Variants in HIP1 observed in about 807,000 individuals in gnomAD.
The protein encoded by HIP1 is huntingtin-interacting protein 1.
Under a neutral mutation model 147.6 loss-of-function variants are expected in HIP1, and 65 were observed. That is an observed-to-expected ratio of 0.44 (90% confidence interval 0.36 to 0.54). The LOEUF (loss-of-function observed/expected upper bound fraction) is 0.54. Ranked by LOEUF, HIP1 falls within the 20% of genes least tolerant of loss-of-function variation. The pLI is 0.00. For synonymous variants in HIP1, 479 were observed against 504.0 expected (o/e 0.95, Z 0.67); for missense variants, 1,061 against 1,299.6 (o/e 0.82, Z 2.82).
chr7:75,642,120 C>CG (rs1563264811), intron 1 of HIP1, among the ~76,000 whole-genome samples: 1 of 152,088 alleles, frequency 6.6e-6, no homozygotes, highest in East Asian at 1.9e-4. Context: ...AACAACAGGC[C>CG]GGGTGCAGTG....
In HIP1 at chr7:75,547,396, T is replaced by C. The variant is rs145266981; in HGVS notation, c.2465+359A>G. ...GATTCTCCTGCCTCAGCCTCCAAAG[T>C]AGCTGGGATTACATGCATGCACCAC... On this transcript the variant is annotated intron_variant, in intron 24 of 30. Coordinates refer to ENST00000336926, the MANE Select transcript of HIP1 (RefSeq NM_005338.7). 1.2e-4 allele frequency among the ~76,000 whole-genome samples: 18 copies of C among 152,268 alleles called. 1 individual carries two copies. The East Asian group carries it at 3.5e-3, about 29-fold the overall frequency.
At chr7:75,649,150 G>T (rs1411959821) in intron 1 of HIP1, among the ~76,000 whole-genome samples, 6 of 151,948 alleles carry the variant, frequency 3.9e-5, no homozygotes, top group Non-Finnish European at 8.8e-5. Flanking sequence ...TCATCCTCCC[G>T]AGTAGCTGGG....
chr7:75,726,044 A>C (rs782802040), intron 1 of HIP1, among the ~76,000 whole-genome samples: 6 of 152,090 alleles, frequency 3.9e-5, no homozygotes, highest in Non-Finnish European at 8.8e-5. Flanking sequence ...CGGTTTTACC[A>C]TGTTGACCAG....
rs140984634 is a variant in HIP1 at position 75,558,172 on chromosome 7, G to A, written c.1459C>T (p.Arg487Trp). 6 of 1,612,566 alleles carry A rather than the reference G, an allele frequency of 3.7e-6. No homozygotes were observed. Among genetic ancestry groups the A allele is most frequent in the East Asian group, 4.5e-5 (2 of 44,884 alleles). ...ELVQNHADLL[R>W]KNAEVTKQVS... ...ACAGGGGCTGAGGGTCTTACCTTCC[G>A]CAGCAGGTCAGCGTGGTTCTGAACC... is the stretch of plus-strand genomic sequence containing the variant. The change falls in exon 15 of 31, where the codon CGG becomes TGG. Residue 487 changes from arginine to tryptophan, a missense_variant. This residue lies in a region of HIP1 where 810 missense variants were observed against 946.8 expected (regional missense o/e 0.86). Transcript: ENST00000336926.
At chr7:75,581,418 C>A (rs1554498569) in intron 6 of HIP1, 120 bp from the exon 7 acceptor site, 2 of 696,090 alleles carry the variant, frequency 2.9e-6, no homozygotes, top group Non-Finnish European at 5.1e-6. Context: ...CGCAAACACA[C>A]ACACAACTCC....
At chr7:75,592,240 A>T in intron 3 of HIP1, 128 bp from the exon 4 acceptor site, 1 of 1,394,082 alleles carries the variant, frequency 7.2e-7, no homozygotes, top group Non-Finnish European at 1.0e-6. Context: ...GACTCACCCA[A>T]CTCTAATGGG....
At chr7:75,734,138 C>T (rs1376019033) in intron 1 of HIP1, among the ~76,000 whole-genome samples, 1 of 151,758 alleles carries the variant, frequency 6.6e-6, no homozygotes, top group Non-Finnish European at 1.5e-5. Context: ...CCCAGCTACT[C>T]GAGAGGCCGA....
intron 21 of HIP1, 145 bp from the exon 22 acceptor site, chr7:75,553,734 T>C (rs1794881388): frequency 1.4e-6 from 1 of 724,454 alleles, no homozygotes; most frequent in Non-Finnish European, 2.2e-6. Context: ...GCCTCCCAAG[T>C]AGCTGGGATT....
At chr7:75,615,640 T>C (rs988107891) in intron 1 of HIP1, among the ~76,000 whole-genome samples, 1 of 151,996 alleles carries the variant, frequency 6.6e-6, no homozygotes, top group Admixed American at 6.6e-5. Context: ...CCTCTGACTG[T>C]GCTTATGCCT....
chr7:75,698,565 C>A (rs1457348743), intron 1 of HIP1, among the ~76,000 whole-genome samples: 1 of 152,094 alleles, frequency 6.6e-6, no homozygotes, highest in Non-Finnish European at 1.5e-5. Context: ...TGACTGTAAT[C>A]CCAGCACTTT....
At chr7:75,608,692 A>G (rs1485021014) in intron 1 of HIP1, among the ~76,000 whole-genome samples, 1 of 152,210 alleles carries the variant, frequency 6.6e-6, no homozygotes, top group African/African-American at 2.4e-5. Flanking sequence ...GATGAACTTA[A>G]AGCTGTCTCA....
intron 1 of HIP1, among the ~76,000 whole-genome samples, chr7:75,631,294 A>AGCATCTT (rs1798211040): frequency 6.6e-6 from 1 of 152,090 alleles, no homozygotes; most frequent in African/African-American, 2.4e-5. Context: ...ACTTTAAGTG[A>AGCATCTT]GCATCTTGAC....
At chr7:75,595,054 G>A (rs1262110476) in intron 2 of HIP1, among the ~76,000 whole-genome samples, 1 of 152,082 alleles carries the variant, frequency 6.6e-6, no homozygotes, top group Non-Finnish European at 1.5e-5. Context: ...CTCACCCAGA[G>A]CACATGTTAT....
chr7:75,597,366 C>G (rs953177941), intron 2 of HIP1, among the ~76,000 whole-genome samples: 6 of 152,184 alleles, frequency 3.9e-5, no homozygotes, highest in Non-Finnish European at 7.3e-5. Flanking sequence ...TCTGGCTTGC[C>G]TGGCTGTGAC....
At chr7:75,667,131 T>G (rs1241286187) in intron 1 of HIP1, among the ~76,000 whole-genome samples, 1 of 151,998 alleles carries the variant, frequency 6.6e-6, no homozygotes, top group Non-Finnish European at 1.5e-5. Flanking sequence ...ATTAACATAA[T>G]TAACAGGAAA....
chr7:75,543,020 C>A (rs147653466), intron 27 of HIP1, 46 bp from the exon 28 acceptor site: 1 of 1,576,110 alleles, frequency 6.3e-7, no homozygotes, highest in Non-Finnish European at 8.6e-7. Flanking sequence ...CCTAGAGCAA[C>A]AAGGACTGAA....
intron 1 of HIP1, among the ~76,000 whole-genome samples, chr7:75,637,140 T>C (rs1798451209): frequency 6.6e-6 from 1 of 152,234 alleles, no homozygotes; most frequent in African/African-American, 2.4e-5. Flanking sequence ...TGTATCTCTC[T>C]GGATCCTTCA....
chr7:75,554,431 C>G lies in HIP1; in HGVS notation c.2050+9G>C. 6.2e-7 allele frequency: 1 copy of G among 1,609,860 alleles called. No homozygotes were observed. Among genetic ancestry groups the G allele is most frequent in the South Asian group, 1.1e-5 (1 of 90,928 alleles). On this transcript the variant is annotated intron_variant, in intron 20 of 30. Transcript: ENST00000336926. ...CTAGCCGACAGAGACTGTCCTTGGC[C>G]ATTCTTACCTTCTGGGCAGGCCAGA...
chr7:75,715,395 A>G (rs1036226692), intron 1 of HIP1, among the ~76,000 whole-genome samples: 2 of 151,524 alleles, frequency 1.3e-5, no homozygotes, highest in African/African-American at 4.8e-5. Flanking sequence ...TGAGAAAAAA[A>G]GGGTGAAAAG....
Sources: allele counts gnomAD v4.1 joint callset (sites outside exome capture counted in the v4.1 genomes callset), GRCh38; gene constraint gnomAD v4.1.1; regional missense constraint gnomAD v4.1.1; transcripts MANE v1.5; gene names NCBI Gene and HGNC (gene_info 2026-07-23, HGNC 2026-07-21).